Variants in STT3A observed in about 807,000 individuals in gnomAD.
The protein encoded by STT3A is dolichyl-diphosphooligosaccharide--protein glycosyltransferase subunit STT3A.
A neutral mutation model predicts 89.2 loss-of-function variants in STT3A; 34 were observed. The ratio of observed to expected loss-of-function variants is 0.38; its 90% CI spans 0.29 to 0.51. The LOEUF (loss-of-function observed/expected upper bound fraction) is 0.51, where lower values mean the gene tolerates loss of function less well. Ranked by LOEUF, STT3A falls within the 20% of genes least tolerant of loss-of-function variation. STT3A has a pLI of 0.89. For synonymous variants in STT3A, 282 were observed against 310.3 expected, an observed-to-expected ratio of 0.91 and a Z score of 0.96; for missense variants, 555 against 889.5, an observed-to-expected ratio of 0.62 and a Z score of 4.78.
At chr11:125,609,280 G>C in intron 9 of STT3A, 154 bp from the exon 10 acceptor site, 1 of 838,176 alleles carries the variant, frequency 1.2e-6, no homozygotes. Flanking sequence ...AGAAAGGAAG[G>C]AGTGAAACTC....
rs1405340164 is a variant in STT3A at position 125,602,955 on chromosome 11, G to A, written c.417+7G>A. 6.2e-7 allele frequency: 1 copy of A among 1,613,906 alleles called. No homozygotes were observed. Among genetic ancestry groups the A allele is most frequent in the Non-Finnish European group, 8.5e-7 (1 of 1,179,914 alleles). On this transcript the variant is annotated splice_region_variant and intron_variant, in intron 5 of 17. Transcript: ENST00000392708. The stretch of plus-strand genomic sequence containing the variant: ...CCTTACCAAAGAGCTCAAGGTGAAG[G>A]ATTTGGGGTGACAGGAGGCTTGGGA...
chr11:125,608,464 G>C, intron 9 of STT3A, 175 bp downstream of exon 9: 1 of 549,382 alleles, frequency 1.8e-6, no homozygotes, highest in Non-Finnish European at 2.9e-6. Flanking sequence ...ACAGGCGCCT[G>C]CCACCGCGCC....
intron 10 of STT3A, 140 bp from the exon 11 acceptor site, chr11:125,611,288 G>GT (rs1170511883): frequency 1.0e-5 from 7 of 667,870 alleles, no homozygotes; most frequent in South Asian, 2.0e-5. Flanking sequence ...TTCTATGATT[G>GT]TTTTTTTAGG....
In STT3A at chr11:125,621,909, C is replaced by T. The variant is rs919813005; in HGVS notation, c.*1099C>T. 6.6e-6 allele frequency: 1 copy of T among 152,196 alleles called. No individual in the cohort carries two copies. The highest frequency in any genetic ancestry group is 1.5e-5 in the Non-Finnish European group (1 of 68,060). The allele number at this position is 152,196 out of a possible 1,614,324, so 9.4% of individuals were successfully genotyped here. A position where few individuals can be genotyped will look rare whatever the true frequency, so the allele number is the denominator to read the frequency against. ...AATTAGCCAGGTATGGTGGTGTACACCTGTAGTCCCAGCTACTCGGGAAGA... is the reference window on the plus strand; with the variant it reads ...AATTAGCCAGGTATGGTGGTGTACATCTGTAGTCCCAGCTACTCGGGAAGA... On this transcript the variant is annotated 3_prime_UTR_variant, in exon 18 of 18. Transcript: ENST00000392708.
At chr11:125,610,099 G>A (rs1430280342) in intron 10 of STT3A, among the ~76,000 whole-genome samples, 1 of 114,900 alleles carries the variant, frequency 8.7e-6, no homozygotes, top group Non-Finnish European at 1.7e-5. Flanking sequence ...GTCTTGCTCT[G>A]TTGCCTAGGC....
intron 3 of STT3A, 99 bp from the exon 4 acceptor site, chr11:125,602,204 A>T: frequency 2.9e-6 from 4 of 1,398,172 alleles, no homozygotes; most frequent in Non-Finnish European, 3.9e-6. Context: ...ATCTGATGTT[A>T]AACTGATTTT....
chr11:125,607,272 T>C (rs1352916390), intron 8 of STT3A, among the ~76,000 whole-genome samples: 1 of 152,248 alleles, frequency 6.6e-6, no homozygotes, highest in African/African-American at 2.4e-5. Flanking sequence ...TGATGTTCCA[T>C]AGGCTAGGCG....
Position 125,596,068 on chromosome 11 carries a change from A to C in STT3A, c.88+65A>C, listed in dbSNP as rs1183771034. On this transcript the variant is annotated intron_variant, in intron 2 of 17. Transcript: ENST00000392708. ...AAGAAGAAAGTCTAGAAAAAAATTGAAAATCGCTATCTTAAAATGCCTTGT... is the reference window on the plus strand; with the variant it reads ...AAGAAGAAAGTCTAGAAAAAAATTGCAAATCGCTATCTTAAAATGCCTTGT... 6 of 1,220,208 alleles carry C rather than the reference A, an allele frequency of 4.9e-6. No homozygotes were observed. The African/African-American group carries it at 9.2e-5, about 19-fold the overall frequency. 75.6% of individuals were successfully genotyped at this position (1,220,208 alleles called of 1,614,324 possible). A position where few individuals can be genotyped will look rare whatever the true frequency, so the allele number is the denominator to read the frequency against.
At chr11:125,600,243 T>C (rs1054649445) in intron 3 of STT3A, among the ~76,000 whole-genome samples, 1 of 151,930 alleles carries the variant, frequency 6.6e-6, no homozygotes, top group African/African-American at 2.4e-5. Context: ...AGAGACAGGG[T>C]TTCTCCATGT....
At chr11:125,598,298 C>T (rs370233454) in intron 3 of STT3A, among the ~76,000 whole-genome samples, 1 of 152,020 alleles carries the variant, frequency 6.6e-6, no homozygotes, top group African/African-American at 2.4e-5. Context: ...GTGGAGGAAC[C>T]GTGATTTGAA....
intron 3 of STT3A, among the ~76,000 whole-genome samples, chr11:125,597,866 T>C (rs1939541479): frequency 6.6e-6 from 1 of 152,218 alleles, no homozygotes; most frequent in East Asian, 1.9e-4. Context: ...AGATTATCTC[T>C]AAATCCTTTC....
chr11:125,609,395 A>C (rs762029839), intron 9 of STT3A, 39 bp from the exon 10 acceptor site: 29 of 1,542,414 alleles, frequency 1.9e-5, no homozygotes, highest in Non-Finnish European at 2.5e-5. Flanking sequence ...GTTTGTTTGA[A>C]GAGTGTGTGT....
chr11:125,600,397 T>C (rs1462358345), intron 3 of STT3A, among the ~76,000 whole-genome samples: 3 of 149,492 alleles, frequency 2.0e-5, no homozygotes, highest in Non-Finnish European at 4.5e-5. Flanking sequence ...GGTCTTGCTC[T>C]GTCACCAGGC....
In STT3A at chr11:125,621,765, C is replaced by T. The variant is rs1940355829; in HGVS notation, c.*955C>T. Reference sequence around the variant, plus strand: ...ATAAGATACAAATTAAAAGGGGAAGCATTGCCAGTAACAGGTCCCTAGAGA... The same window carrying T: ...ATAAGATACAAATTAAAAGGGGAAGTATTGCCAGTAACAGGTCCCTAGAGA... On this transcript the variant is annotated 3_prime_UTR_variant, in exon 18 of 18. Coordinates refer to ENST00000392708, the MANE Select transcript of STT3A (RefSeq NM_152713.5). The T allele has an allele frequency of 1.3e-5, 2 of 152,166 alleles. No individual in the cohort carries two copies. Among genetic ancestry groups the T allele is most frequent in the African/African-American group, 4.8e-5 (2 of 41,452 alleles). The allele number at this position is 152,166 out of a possible 1,614,324, so 9.4% of individuals were successfully genotyped here. A position where few individuals can be genotyped will look rare whatever the true frequency, so the allele number is the denominator to read the frequency against.
At chr11:125,612,797 GTA>G in intron 12 of STT3A, 50 bp downstream of exon 12, 1 of 1,574,430 alleles carries the variant, frequency 6.4e-7, no homozygotes, top group East Asian at 2.2e-5. Context: ...GTGTGTGTGT[GTA>G]TGTGTGTATG....
chr11:125,595,798 A>G, intron 1 of STT3A, 83 bp from the exon 2 acceptor site: 1 of 722,764 alleles, frequency 1.4e-6, no homozygotes, highest in Middle Eastern at 2.8e-4. Context: ...TACGTCCTTT[A>G]TGATTCCCTC....
At chr11:125,611,290 T>C in intron 10 of STT3A, 138 bp from the exon 11 acceptor site, 2 of 677,768 alleles carry the variant, frequency 3.0e-6, no homozygotes, top group Non-Finnish European at 5.0e-6. Context: ...CTATGATTGT[T>C]TTTTTAGGAT....
intron 1 of STT3A, chr11:125,594,722 C>T (rs1273667568): frequency 1.3e-5 from 2 of 151,920 alleles, no homozygotes; most frequent in African/African-American, 4.8e-5. Context: ...AGATAGTGTC[C>T]CTCAACATTT....
At position 125,620,843 on chromosome 11, in the gene STT3A, G is replaced by A; in HGVS notation, c.*33G>A. On this transcript the variant is annotated 3_prime_UTR_variant, in exon 18 of 18. Transcript: ENST00000392708. ...GTCCAGCTCTGATATGCTTCGCACT[G>A]AGCACATCACATTTAGGACGTTGAA... is the stretch of plus-strand genomic sequence containing the variant. 1 of 1,553,112 alleles carries A rather than the reference G, an allele frequency of 6.4e-7. No individual in the cohort carries two copies.
Sources: gnomAD v4.1 joint callset for allele counts (sites outside exome capture counted in the v4.1 genomes callset) on GRCh38, gnomAD v4.1.1 for gene constraint, MANE v1.5 for transcripts, NCBI Gene and HGNC (gene_info 2026-07-23, HGNC 2026-07-21) for gene names.